The following TAF4 variants were observed in gnomAD, a reference collection of about 807,000 sequenced individuals.
TAF4 encodes transcription initiation factor TFIID subunit 4.
TAF4 carries 9 observed loss-of-function variants against 90.3 expected under a neutral mutation model. The ratio of observed to expected loss-of-function variants is 0.10; its 90% CI spans 0.06 to 0.17. TAF4 has a LOEUF of 0.17. Ranked by LOEUF, TAF4 falls within the 10% of genes least tolerant of loss-of-function variation. The pLI, the probability that TAF4 is intolerant of heterozygous loss-of-function variation, is 1.00. For missense variants in TAF4, 1,351 were observed against 1,370.7 expected, an observed-to-expected ratio of 0.99 and a Z score of 0.23; for synonymous variants, 818 against 638.9, an observed-to-expected ratio of 1.28 and a Z score of -4.23.
rs557967083 is a variant in TAF4 at position 62,000,794 on chromosome 20, C to T, written c.2487-73G>A. 34 of 1,549,428 alleles carry T rather than the reference C, an allele frequency of 2.2e-5. 1 individual carries two copies. The South Asian group carries it at 3.7e-4, about 17-fold the overall frequency. The stretch of plus-strand genomic sequence containing the variant: ...GGGAGGTGGGCTGGGGTGGTAAGGG[C>T]AGGAAACCCCACGTGGAAGGCAGGG... On this transcript the variant is annotated intron_variant, in intron 9 of 14. Transcript: ENST00000252996.
chr20:62,004,234 T>C (rs895305259), intron 7 of TAF4, among the ~76,000 whole-genome samples: 1 of 152,080 alleles, frequency 6.6e-6, no homozygotes, highest in African/African-American at 2.4e-5. Context: ...AGCAGACCAC[T>C]GCCCCCCAAA....
intron 1 of TAF4, among the ~76,000 whole-genome samples, chr20:62,056,657 T>G (rs548715291): frequency 6.6e-5 from 10 of 152,068 alleles, no homozygotes; most frequent in African/African-American, 2.4e-4. Flanking sequence ...ACAGGAGAAC[T>G]GTAATTACAG....
In TAF4 at chr20:62,003,901, T is replaced by A. The variant is rs776882392; in HGVS notation, c.2224-23A>T. ...GACCTGAGGCAGAGCCAGCAGAGAA[T>A]GGTGAGCATGCTCCCCGAGGGCCAG... On this transcript the variant is annotated intron_variant, in intron 7 of 14. Coordinates refer to ENST00000252996, the MANE Select transcript of TAF4 (RefSeq NM_003185.4). 3 of 1,526,508 alleles carry A rather than the reference T, an allele frequency of 2.0e-6. No homozygotes were observed. In the East Asian group the frequency reaches 7.0e-5, roughly 35 times the overall value. 94.6% of individuals were successfully genotyped at this position (1,526,508 alleles called of 1,614,324 possible).
intron 1 of TAF4, among the ~76,000 whole-genome samples, chr20:62,027,197 A>G (rs1375610489): frequency 2.6e-5 from 4 of 152,212 alleles, no homozygotes; most frequent in Non-Finnish European, 5.9e-5. Context: ...CCCAGTGCAG[A>G]AACCTGGAGT....
At chr20:62,038,732 A>G (rs888688079) in intron 1 of TAF4, among the ~76,000 whole-genome samples, 5 of 152,178 alleles carry the variant, frequency 3.3e-5, no homozygotes, top group Non-Finnish European at 7.3e-5. Flanking sequence ...AAACCGATCT[A>G]TAGACTCAAT....
At chr20:62,063,115 CAGCAACCCCGGGAAGTAG>C (rs2056099073) in intron 1 of TAF4, among the ~76,000 whole-genome samples, 1 of 152,294 alleles carries the variant, frequency 6.6e-6, no homozygotes, top group Admixed American at 6.5e-5. Context: ...AAGGGCGTCT[CAGCAACCCCGGGAAGTAG>C]CTTCACAGCT....
chr20:62,005,430 A>C (rs1378451108), intron 7 of TAF4: 1 of 152,300 alleles, frequency 6.6e-6, no homozygotes, highest in African/African-American at 2.4e-5. Flanking sequence ...TGTGTGACTA[A>C]GCACCAGAGG....
chr20:62,020,104 T>G (rs2055834260), intron 1 of TAF4, among the ~76,000 whole-genome samples: 1 of 152,156 alleles, frequency 6.6e-6, no homozygotes, highest in Non-Finnish European at 1.5e-5. Flanking sequence ...CAGGGGTCCA[T>G]GTTCACCTCT....
intron 12 of TAF4, among the ~76,000 whole-genome samples, 164 bp downstream of exon 12, chr20:61,998,819 T>C (rs1363875624): frequency 1.3e-5 from 2 of 152,212 alleles, no homozygotes; most frequent in East Asian, 3.8e-4. Context: ...GCCAAATGAA[T>C]GAGGCTTCTC....
intron 1 of TAF4, among the ~76,000 whole-genome samples, chr20:62,047,995 C>G (rs894355516): frequency 1.3e-5 from 2 of 152,200 alleles, no homozygotes; most frequent in African/African-American, 4.8e-5. Flanking sequence ...AGCTCCCCAG[C>G]ACCCAAACCC....
At chr20:62,039,417 C>T (rs2055951607) in intron 1 of TAF4, among the ~76,000 whole-genome samples, 2 of 152,208 alleles carry the variant, frequency 1.3e-5, no homozygotes, top group Admixed American at 1.3e-4. Flanking sequence ...CAACCCCCTA[C>T]CTTACAACTC....
rs907468022 is a variant in TAF4, at chr20:61,990,032, C to T, written c.3090+7518G>A. On this transcript the variant is annotated intron_variant, in intron 14 of 14. Coordinates refer to ENST00000252996, the MANE Select transcript of TAF4 (RefSeq NM_003185.4). The stretch of plus-strand genomic sequence containing the variant: ...CTAACACGGCCATGGGAATCGGCCA[C>T]GACGCTGTGGAGAAACACAGCCCAC... Among the ~76,000 whole-genome samples the T allele has an allele frequency of 2.6e-5, 4 of 152,122 alleles. No individual in the cohort carries two copies. In the South Asian group the frequency reaches 6.2e-4, roughly 24 times the overall value.
At chr20:62,054,142 T>C (rs2056047093) in intron 1 of TAF4, among the ~76,000 whole-genome samples, 1 of 152,210 alleles carries the variant, frequency 6.6e-6, no homozygotes, top group East Asian at 1.9e-4. Context: ...CCCTGTGCTT[T>C]AGTGGTTTTA....
chr20:62,027,941 G>A (rs1226531259), intron 1 of TAF4, among the ~76,000 whole-genome samples: 1 of 152,226 alleles, frequency 6.6e-6, no homozygotes, highest in Non-Finnish European at 1.5e-5. Context: ...CACCTCGGCG[G>A]CCTAGGTCGT....
intron 14 of TAF4, among the ~76,000 whole-genome samples, chr20:61,986,616 G>A (rs779553258): frequency 6.6e-6 from 1 of 152,260 alleles, no homozygotes; most frequent in Non-Finnish European, 1.5e-5. Flanking sequence ...AACATTCTGT[G>A]GTGTCATAAA....
rs140965440 is a variant in TAF4, at chr20:62,038,909, C to G, written c.1361-24202G>C. ...CTCTACTAAAAATACAAAAATTAGC[C>G]GGGTGTGGTGGCACGTGCCTGTAAT... On this transcript the variant is annotated intron_variant, in intron 1 of 14. Coordinates refer to ENST00000252996, the MANE Select transcript of TAF4 (RefSeq NM_003185.4). 8.5e-5 allele frequency among the ~76,000 whole-genome samples: 13 copies of G among 152,216 alleles called. No individual in the cohort carries two copies. In the East Asian group the frequency reaches 1.9e-3, roughly 23 times the overall value.
rs370361885 is a variant in TAF4, at chr20:62,000,260, G to A, written c.2657-6C>T. On this transcript the variant is annotated splice_polypyrimidine_tract_variant and splice_region_variant and intron_variant, in intron 10 of 14. Transcript: ENST00000252996. ...CGTTATACCATGTTTTTTACCTAAA[G>A]GTCAGGCAAGAAAAACAGTATTTTA... 19 of 1,611,976 alleles carry A rather than the reference G, an allele frequency of 1.2e-5. No individual in the cohort carries two copies. The highest frequency in any genetic ancestry group is 2.2e-5 in the East Asian group (1 of 44,868).
chr20:61,990,522 G>A lies in TAF4; in HGVS notation c.3090+7028C>T, dbSNP rs533543402. ...CACAAGCAGCCATCACCTGAAGGAC[G>A]CTGCAGAACTGGACCCCGACGGGCC... On this transcript the variant is annotated intron_variant, in intron 14 of 14. Coordinates refer to ENST00000252996, the MANE Select transcript of TAF4 (RefSeq NM_003185.4). Among the ~76,000 whole-genome samples, 22 of 152,264 alleles carry A rather than the reference G, an allele frequency of 1.4e-4. No homozygotes were observed. The East Asian group carries it at 1.9e-3, about 13-fold the overall frequency.
In TAF4 at chr20:61,975,892, G is replaced by A. The variant is rs1372730238; in HGVS notation, c.*276C>T. 1.7e-5 allele frequency: 7 copies of A among 409,826 alleles called. No homozygotes were observed. Among genetic ancestry groups the A allele is most frequent in the East Asian group, 1.2e-4 (3 of 24,832 alleles). The allele number at this position is 409,826 out of a possible 1,614,324, so 25.4% of individuals were successfully genotyped here. A position where few individuals can be genotyped will look rare whatever the true frequency, so the allele number is the denominator to read the frequency against. On this transcript the variant is annotated 3_prime_UTR_variant, in exon 15 of 15. Transcript: ENST00000252996. ...AGAGGGCAGCTAATTATTTGCTAAC[G>A]ATTCCATCAGTCTTTATATATGGCT...
Sources: gnomAD v4.1 joint callset for allele counts (sites outside exome capture counted in the v4.1 genomes callset) on GRCh38, gnomAD v4.1.1 for gene constraint, MANE v1.5 for transcripts, NCBI Gene and HGNC (gene_info 2026-07-23, HGNC 2026-07-21) for gene names.